The following CABP1 variants were observed in gnomAD, a reference collection of about 807,000 sequenced individuals.
The protein encoded by CABP1 is calcium binding protein 1.
In CABP1, 17 loss-of-function variants were observed where a neutral mutation model predicts 34.3. That is an observed-to-expected ratio of 0.50 (90% CI 0.34 to 0.74). The LOEUF (loss-of-function observed/expected upper bound fraction) is 0.74. Among genes scored for constraint, CABP1 ranks in the 30% least tolerant of loss-of-function variants. CABP1 has a pLI of 0.01. For missense variants in CABP1, 373 were observed against 511.1 expected (o/e 0.73, Z 2.61); for synonymous variants, 198 against 229.2 (o/e 0.86, Z 1.23).
intron 1 of CABP1, among the ~76,000 whole-genome samples, chr12:120,649,916 G>A (rs1879733938): frequency 6.6e-6 from 1 of 152,156 alleles, no homozygotes; most frequent in South Asian, 2.1e-4. Context: ...GAATTGCCAG[G>A]GGCAGTGAGT....
intron 5 of CABP1, among the ~76,000 whole-genome samples, chr12:120,664,900 A>C (rs568826813): frequency 1.1e-4 from 16 of 150,404 alleles, no homozygotes; most frequent in Admixed American, 4.0e-4. Flanking sequence ...AAAGAGAGAG[A>C]GAGAGATGAG....
chr12:120,650,504 C>T, intron 1 of CABP1: 1 of 1,555,234 alleles, frequency 6.4e-7, no homozygotes, highest in Non-Finnish European at 8.6e-7. Flanking sequence ...AGAGGGCTCA[C>T]ATCCGTCCTG....
intron 1 of CABP1, among the ~76,000 whole-genome samples, chr12:120,649,446 C>G (rs1410764951): frequency 1.3e-5 from 2 of 152,166 alleles, no homozygotes; most frequent in Non-Finnish European, 2.9e-5. Context: ...CTGTAGGTCT[C>G]AAACCGGACA....
intron 1 of CABP1, chr12:120,655,813 G>C: frequency 6.7e-7 from 1 of 1,492,872 alleles, no homozygotes; most frequent in Non-Finnish European, 8.9e-7. Context: ...GCATATGTAT[G>C]TGCCAGTGCG....
At chr12:120,680,214 C>CA in the CABP1 span, among the ~76,000 whole-genome samples, 4 of 152,172 alleles carry the variant, frequency 2.6e-5, no homozygotes, top group African/African-American at 9.7e-5. Context: ...GCATTTTCTA[C>CA]AAAAAGTGTA....
Position 120,640,903 on chromosome 12 carries a change from A to AGGG in CABP1, c.220_221insGGG (p.Lys73_Ala74insGly). On this transcript the variant is annotated inframe_insertion, in exon 1 of 6. Transcript: ENST00000316803. The surrounding 1 kb of genome is among the most constrained non-coding windows in gnomAD (Gnocchi z 6.2). ...AGCGAGTCCAAGACGTCGCTGCTGAAGGCGGCGGCGGCGGCGGCGAGCGGG... is the reference window on the plus strand; with the variant it reads ...AGCGAGTCCAAGACGTCGCTGCTGAAGGGGGCGGCGGCGGCGGCGGCGAGCGGG... 9.1e-7 allele frequency: 1 copy of AGGG among 1,097,850 alleles called. No homozygotes were observed. Among genetic ancestry groups the AGGG allele is most frequent in the Non-Finnish European group, 1.1e-6 (1 of 903,568 alleles). The allele number at this position is 1,097,850 out of a possible 1,614,324, so 68.0% of individuals were successfully genotyped here.
intron 5 of CABP1, among the ~76,000 whole-genome samples, chr12:120,662,825 C>T (rs1880740559): frequency 6.6e-6 from 1 of 151,904 alleles, no homozygotes; most frequent in Admixed American, 6.6e-5. Flanking sequence ...GCTGGGATTA[C>T]AGGCGCCTAC....
the CABP1 span, among the ~76,000 whole-genome samples, chr12:120,672,960 G>A: frequency 6.6e-6 from 1 of 152,142 alleles, no homozygotes; most frequent in Non-Finnish European, 1.5e-5. Context: ...AACCTCGGAG[G>A]CAGAAGTTAC....
chr12:120,666,762 A>G (rs1398299470), intron 5 of CABP1, 113 bp from the exon 6 acceptor site: 1 of 1,171,730 alleles, frequency 8.5e-7, no homozygotes, highest in Admixed American at 2.0e-5. Context: ...GGCGGAATGG[A>G]TGGGGGACCA....
At chr12:120,658,068 A>G (rs1392346746) in intron 1 of CABP1, among the ~76,000 whole-genome samples, 2 of 148,192 alleles carry the variant, frequency 1.3e-5, no homozygotes, top group African/African-American at 5.0e-5. Context: ...ACCTACCCTT[A>G]AGCCAGGCAC....
chr12:120,673,411 C>T, the CABP1 span, among the ~76,000 whole-genome samples: 18,473 of 151,892 alleles, frequency 0.12, 1,238 homozygotes, highest in Non-Finnish European at 0.14. Flanking sequence ...GGTGAAACCC[C>T]GTCTCTACTA....
chr12:120,655,728 G>A, intron 1 of CABP1: 3 of 1,450,656 alleles, frequency 2.1e-6, no homozygotes, highest in East Asian at 2.5e-5. Flanking sequence ...GGCTCTGAGT[G>A]AACACTTCCC....
chr12:120,657,118 T>C (rs1880279283), intron 1 of CABP1, among the ~76,000 whole-genome samples: 1 of 152,212 alleles, frequency 6.6e-6, no homozygotes, highest in African/African-American at 2.4e-5. Flanking sequence ...TAGCCACATG[T>C]GGCTATTGAC....
At chr12:120,659,770 G>C in intron 1 of CABP1, 108 bp from the exon 2 acceptor site, 1 of 969,458 alleles carries the variant, frequency 1.0e-6, no homozygotes. Context: ...CTGCATCCTC[G>C]TCACCTCCTA....
At chr12:120,644,746 A>T (rs1440104189) in intron 1 of CABP1, among the ~76,000 whole-genome samples, 2 of 152,146 alleles carry the variant, frequency 1.3e-5, no homozygotes, top group Non-Finnish European at 2.9e-5. Context: ...TGAATGAATG[A>T]ATGAGTGAAT....
chr12:120,658,013 C>G (rs1214413532), intron 1 of CABP1, among the ~76,000 whole-genome samples: 2 of 151,974 alleles, frequency 1.3e-5, no homozygotes, highest in African/African-American at 4.8e-5. Flanking sequence ...TTTTGGTCAC[C>G]CAAAAACATC....
intron 1 of CABP1, among the ~76,000 whole-genome samples, chr12:120,642,339 AG>A (rs1353047988): frequency 1.3e-5 from 2 of 152,152 alleles, no homozygotes; most frequent in African/African-American, 4.8e-5. Flanking sequence ...TCTAGCATAA[AG>A]AAGCTGTTTC....
the CABP1 span, among the ~76,000 whole-genome samples, chr12:120,676,133 G>C: frequency 7.9e-5 from 12 of 152,132 alleles, no homozygotes; most frequent in Non-Finnish European, 1.6e-4. Flanking sequence ...TCTAGACTCT[G>C]CTGTCCAATA....
intron 1 of CABP1, among the ~76,000 whole-genome samples, chr12:120,658,293 T>C (rs1212064548): frequency 3.9e-5 from 6 of 152,064 alleles, no homozygotes; most frequent in Non-Finnish European, 1.5e-5. Context: ...AGACGAGGTC[T>C]CACTATATCG....
Sources: allele counts gnomAD v4.1 joint callset (sites outside exome capture counted in the v4.1 genomes callset), GRCh38; gene constraint gnomAD v4.1.1; non-coding constraint Gnocchi (gnomAD v3.1); transcripts MANE v1.5; gene names NCBI Gene and HGNC (gene_info 2026-07-23, HGNC 2026-07-21).